The following REDIC1 variants were observed in gnomAD, a reference collection of about 807,000 sequenced individuals.
REDIC1 encodes the protein regulator of DNA class I crossover intermediates 1, also known as HEI10 Interacting Protein 1.
chr12:39,793,686 G>T, the REDIC1 span, among the ~76,000 whole-genome samples: 1 of 152,024 alleles, frequency 6.6e-6, no homozygotes, highest in African/African-American at 2.4e-5. Flanking sequence ...CTGATTTTAG[G>T]CATTCCAAAC....
the REDIC1 span, chr12:39,802,293 A>G: frequency 6.6e-6 from 1 of 152,194 alleles, no homozygotes; most frequent in African/African-American, 2.4e-5. Flanking sequence ...ATTCAGGGAT[A>G]TGTGATCTGA....
the REDIC1 span, chr12:39,755,320 T>TA: frequency 6.6e-6 from 1 of 152,188 alleles, no homozygotes; most frequent in Middle Eastern, 3.4e-3. Flanking sequence ...ATCTGAAGTA[T>TA]TAAATACTAT....
At chr12:39,702,260 C>T in the REDIC1 span, among the ~76,000 whole-genome samples, 9 of 152,082 alleles carry the variant, frequency 5.9e-5, no homozygotes, top group Admixed American at 1.3e-4. Context: ...ATATCACCAC[C>T]GATCCCACAG....
the REDIC1 span, among the ~76,000 whole-genome samples, chr12:39,814,327 T>A: frequency 6.6e-6 from 1 of 152,300 alleles, no homozygotes; most frequent in East Asian, 1.9e-4. Flanking sequence ...ACTTATAATT[T>A]CCTCTTTGTA....
chr12:39,670,791 A>G, the REDIC1 span, among the ~76,000 whole-genome samples: 26 of 148,648 alleles, frequency 1.7e-4, no homozygotes, highest in African/African-American at 4.2e-4. Context: ...TGAAAGACCT[A>G]TCTTTAAGTT....
At chr12:39,845,653 C>T in the REDIC1 span, among the ~76,000 whole-genome samples, 20 of 152,060 alleles carry the variant, frequency 1.3e-4, no homozygotes, top group Non-Finnish European at 2.2e-4. Context: ...GTGACACAGA[C>T]GAAATGAGAT....
the REDIC1 span, among the ~76,000 whole-genome samples, chr12:39,873,292 C>G: frequency 1.3e-5 from 2 of 152,166 alleles, no homozygotes; most frequent in African/African-American, 4.8e-5. Context: ...TGGAATTACT[C>G]CCATCATCAT....
chr12:39,796,454 CA>C, the REDIC1 span, among the ~76,000 whole-genome samples: 1 of 142,922 alleles, frequency 7.0e-6, no homozygotes, highest in African/African-American at 2.6e-5. Context: ...CCTAAACAAA[CA>C]AAAAAAGAAA....
chr12:39,796,030 C>T, the REDIC1 span, among the ~76,000 whole-genome samples: 13 of 152,108 alleles, frequency 8.5e-5, no homozygotes, highest in Non-Finnish European at 1.6e-4. Context: ...CATTAGCAGT[C>T]ACTCCCAAAC....
the REDIC1 span, among the ~76,000 whole-genome samples, chr12:39,781,399 C>T: frequency 6.6e-6 from 1 of 152,210 alleles, no homozygotes; most frequent in Admixed American, 6.5e-5. Context: ...CTGCCCCCTC[C>T]AGCCTTCCAC....
the REDIC1 span, among the ~76,000 whole-genome samples, chr12:39,778,151 G>C: frequency 1.3e-5 from 2 of 152,136 alleles, no homozygotes; most frequent in Non-Finnish European, 2.9e-5. Context: ...CACACCCTGC[G>C]AGGGGGACAA....
the REDIC1 span, among the ~76,000 whole-genome samples, chr12:39,838,615 A>G: frequency 1.3e-5 from 2 of 152,060 alleles, no homozygotes; most frequent in Non-Finnish European, 2.9e-5. Context: ...AATGCTTCCA[A>G]TTAAAGTAAA....
chr12:39,906,720 T>C, the REDIC1 span, among the ~76,000 whole-genome samples: 2 of 152,112 alleles, frequency 1.3e-5, no homozygotes, highest in African/African-American at 2.4e-5. Flanking sequence ...AATCAATTAC[T>C]AAAATTCTTA....
chr12:39,902,122 C>T, the REDIC1 span, among the ~76,000 whole-genome samples: 8 of 145,104 alleles, frequency 5.5e-5, no homozygotes, highest in Non-Finnish European at 8.9e-5. Flanking sequence ...TGTTCTCACT[C>T]ATAGGTGGGA....
the REDIC1 span, among the ~76,000 whole-genome samples, chr12:39,712,580 T>A: frequency 6.9e-6 from 1 of 144,790 alleles, no homozygotes; most frequent in Non-Finnish European, 1.5e-5. Flanking sequence ...TATACGTATA[T>A]ATGTATATAC....
the REDIC1 span, among the ~76,000 whole-genome samples, chr12:39,712,009 C>T: frequency 7.0e-6 from 1 of 143,230 alleles, no homozygotes; most frequent in East Asian, 2.2e-4. Flanking sequence ...TGTATATATA[C>T]CTACCTGTAT....
the REDIC1 span, among the ~76,000 whole-genome samples, chr12:39,797,643 T>C: frequency 6.6e-6 from 1 of 152,018 alleles, no homozygotes; most frequent in Non-Finnish European, 1.5e-5. Flanking sequence ...ATGAAGCAGA[T>C]AATGTCATCA....
the REDIC1 span, chr12:39,764,434 C>T: frequency 6.6e-7 from 1 of 1,521,770 alleles, no homozygotes; most frequent in Admixed American, 2.3e-5. Context: ...AAAAACAAAA[C>T]TATGTTAGAA....
At chr12:39,886,425 A>G in the REDIC1 span, among the ~76,000 whole-genome samples, 2 of 152,302 alleles carry the variant, frequency 1.3e-5, no homozygotes, top group South Asian at 2.1e-4. Flanking sequence ...AGCAAAAAAA[A>G]TCTATATGTA....
Sources: gnomAD v4.1 joint callset for allele counts (sites outside exome capture counted in the v4.1 genomes callset) on GRCh38, gnomAD v4.1.1 for gene constraint, MANE v1.5 for transcripts, NCBI Gene and HGNC (gene_info 2026-07-23, HGNC 2026-07-21) for gene names.